The following MAGI1 variants were observed in gnomAD, a reference collection of about 807,000 sequenced individuals.
The protein encoded by MAGI1 is membrane associated guanylate kinase, WW and PDZ domain containing 1.
In MAGI1, 58 loss-of-function variants were observed where a neutral mutation model predicts 139.9. The observed-to-expected ratio is 0.41, with a 90% CI of 0.34 to 0.52. The LOEUF is 0.52. Ranked by LOEUF, MAGI1 falls within the 20% of genes least tolerant of loss-of-function variation. The pLI, the probability that MAGI1 is intolerant of heterozygous loss-of-function variation, is 0.12. For missense variants in MAGI1, 1,874 were observed against 1,901.6 expected (o/e 0.99, Z 0.27); for synonymous variants, 812 against 737.9 (o/e 1.10, Z -1.63).
At position 65,486,388 on chromosome 3, in the gene MAGI1, C is replaced by G. The variant is rs527271870; in HGVS notation, c.550+7124G>C. On this transcript the variant is annotated intron_variant, in intron 3 of 22. Coordinates refer to ENST00000402939, the MANE Select transcript of MAGI1 (RefSeq NM_001033057.2). ...GCCATGTCTGGATCCCCACCCTCCA[C>G]TGAATAGTTCATCCCTTGTAAACTC... 1.2e-4 allele frequency among the ~76,000 whole-genome samples: 18 copies of G among 152,278 alleles called. No homozygotes were observed. In the South Asian group the frequency reaches 2.7e-3, roughly 23 times the overall value.
chr3:65,898,067 C>G (rs2061057433), intron 1 of MAGI1, among the ~76,000 whole-genome samples: 1 of 152,304 alleles, frequency 6.6e-6, no homozygotes, highest in South Asian at 2.1e-4. Flanking sequence ...AGCTTTTTCT[C>G]TCTGTAGGAC....
chr3:65,556,479 C>T (rs2080090868), intron 2 of MAGI1, among the ~76,000 whole-genome samples: 2 of 152,194 alleles, frequency 1.3e-5, no homozygotes, highest in Non-Finnish European at 1.5e-5. Flanking sequence ...GGTCCGCTTT[C>T]AGAGTTCTCA....
intron 1 of MAGI1, among the ~76,000 whole-genome samples, chr3:65,898,488 TAAAG>T (rs1014770530): frequency 4.6e-5 from 7 of 152,082 alleles, no homozygotes; most frequent in African/African-American, 1.7e-4. Context: ...TATACACAAA[TAAAG>T]AAAAACAACA....
chr3:65,525,027 G>C, intron 2 of MAGI1, among the ~76,000 whole-genome samples: 1 of 152,130 alleles, frequency 6.6e-6, no homozygotes. Context: ...TGTGCTGCTT[G>C]CTAGAAATCA....
At chr3:65,527,908 G>A (rs982243383) in intron 2 of MAGI1, among the ~76,000 whole-genome samples, 108 of 146,152 alleles carry the variant, frequency 7.4e-4, no homozygotes, top group African/African-American at 2.8e-3. Context: ...CTCCATCTCA[G>A]GAAAAAAAAA....
chr3:65,561,649 T>G (rs2108018581), intron 2 of MAGI1, among the ~76,000 whole-genome samples: 1 of 152,292 alleles, frequency 6.6e-6, no homozygotes, highest in East Asian at 1.9e-4. Context: ...ATAATTTACA[T>G]CAACTCTCGT....
intron 17 of MAGI1, among the ~76,000 whole-genome samples, chr3:65,377,579 C>A (rs1942651887): frequency 1.3e-5 from 2 of 152,216 alleles, no homozygotes; most frequent in Admixed American, 6.5e-5. Flanking sequence ...AGGAACGTCA[C>A]AGGATGCATG....
chr3:65,425,421 AGTCCTGTG>A (rs1402462844), intron 12 of MAGI1, among the ~76,000 whole-genome samples: 1 of 152,192 alleles, frequency 6.6e-6, no homozygotes, highest in African/African-American at 2.4e-5. Context: ...CTGTCTCCAC[AGTCCTGTG>A]GTCTTTCCTC....
chr3:65,674,423 G>A (rs565659221), intron 1 of MAGI1, among the ~76,000 whole-genome samples: 7 of 152,308 alleles, frequency 4.6e-5, no homozygotes, highest in African/African-American at 1.7e-4. Context: ...CCAAGCCCAT[G>A]AGGTGCCTGT....
At position 65,383,630 on chromosome 3, in the gene MAGI1, A is replaced by C. The variant is rs559310600; in HGVS notation, c.2417-7T>G. The C allele has an allele frequency of 1.1e-4, 171 of 1,556,462 alleles. 1 individual carries two copies. The Middle Eastern group carries it at 3.2e-3, about 29-fold the overall frequency. ...TGTTCCTGGTAATCTGGAACTGCAG[A>C]GAGGGGAGAAAAAAGAGAAGGATTA... On this transcript the variant is annotated splice_region_variant and splice_polypyrimidine_tract_variant and intron_variant, in intron 14 of 22. Transcript: ENST00000402939.
chr3:65,999,972 C>CTTTTTTTTT (rs3048011), intron 1 of MAGI1, among the ~76,000 whole-genome samples: 4 of 113,278 alleles, frequency 3.5e-5, no homozygotes, highest in East Asian at 2.7e-4. Flanking sequence ...TCCCCCCACG[C>CTTTTTTTTT]TTTTTTTTTT....
At chr3:65,933,249 CAAGT>C (rs2062885969) in intron 1 of MAGI1, among the ~76,000 whole-genome samples, 1 of 152,156 alleles carries the variant, frequency 6.6e-6, no homozygotes, top group Non-Finnish European at 1.5e-5. Flanking sequence ...AGAGTTTCTA[CAAGT>C]AAGGAACAGT....
chr3:65,890,897 G>A (rs777390766), intron 1 of MAGI1, among the ~76,000 whole-genome samples: 13 of 152,088 alleles, frequency 8.5e-5, no homozygotes, highest in Non-Finnish European at 1.3e-4. Flanking sequence ...AAAATGTATC[G>A]CCTCGTTTGT....
intron 1 of MAGI1, among the ~76,000 whole-genome samples, chr3:65,838,370 C>T (rs988782085): frequency 3.3e-5 from 5 of 151,416 alleles, no homozygotes; most frequent in Non-Finnish European, 7.4e-5. Flanking sequence ...ACAAACATCT[C>T]CCTTGTGCTA....
At chr3:65,402,239 C>T (rs1047770330) in intron 12 of MAGI1, among the ~76,000 whole-genome samples, 2 of 152,034 alleles carry the variant, frequency 1.3e-5, no homozygotes, top group South Asian at 2.1e-4. Flanking sequence ...TTGCACAAAG[C>T]TGAAAGAAAA....
intron 1 of MAGI1, among the ~76,000 whole-genome samples, chr3:65,994,886 A>C (rs1446756485): frequency 6.6e-6 from 1 of 152,222 alleles, no homozygotes; most frequent in African/African-American, 2.4e-5. Context: ...TGAATGAACA[A>C]ACTTCAATCA....
chr3:65,696,277 G>C (rs570539108), intron 1 of MAGI1, among the ~76,000 whole-genome samples: 1 of 152,178 alleles, frequency 6.6e-6, no homozygotes, highest in African/African-American at 2.4e-5. Flanking sequence ...ATCACTTTCT[G>C]CCATTTCATT....
chr3:66,028,347 A>T (rs990732844), intron 1 of MAGI1, among the ~76,000 whole-genome samples: 1 of 152,172 alleles, frequency 6.6e-6, no homozygotes, highest in Non-Finnish European at 1.5e-5. Flanking sequence ...TTTTACATAC[A>T]TTATCTCATT....
At chr3:65,605,505 G>C (rs942510054) in intron 2 of MAGI1, among the ~76,000 whole-genome samples, 1 of 152,148 alleles carries the variant, frequency 6.6e-6, no homozygotes, top group Admixed American at 6.5e-5. Flanking sequence ...ACAACTGTAA[G>C]AAGTGCTCTT....
Sources: allele counts gnomAD v4.1 joint callset (sites outside exome capture counted in the v4.1 genomes callset), GRCh38; gene constraint gnomAD v4.1.1; transcripts MANE v1.5; gene names NCBI Gene and HGNC (gene_info 2026-07-23, HGNC 2026-07-21).